Variants in CHRM3 observed in about 807,000 individuals in gnomAD.
The protein encoded by CHRM3 is cholinergic receptor muscarinic 3.
A neutral mutation model predicts 41.8 loss-of-function variants in CHRM3; 11 were observed. That is an observed-to-expected ratio of 0.26 (90% CI 0.17 to 0.44). The LOEUF (loss-of-function observed/expected upper bound fraction) is 0.44, where lower values mean the gene tolerates loss of function less well. Among genes scored for constraint, CHRM3 ranks in the 20% least tolerant of loss-of-function variants. The pLI is 1.00. For synonymous variants in CHRM3, 297 were observed against 301.4 expected (o/e 0.99, Z 0.15); for missense variants, 571 against 745.4 (o/e 0.77, Z 2.72).
intron 5 of CHRM3, among the ~76,000 whole-genome samples, chr1:239,781,045 G>A (rs909441036): frequency 6.6e-6 from 1 of 152,104 alleles, no homozygotes; most frequent in African/African-American, 2.4e-5. Flanking sequence ...ATGGTATCAG[G>A]CCTCTGACTT....
intron 6 of CHRM3, among the ~76,000 whole-genome samples, chr1:239,888,511 T>G (rs1258106976): frequency 6.6e-6 from 1 of 151,000 alleles, no homozygotes; most frequent in Non-Finnish European, 1.5e-5. Flanking sequence ...GAGGATTGCT[T>G]GGGCCCAGCC....
chr1:239,457,429 C>CT (rs1665035087), intron 1 of CHRM3, among the ~76,000 whole-genome samples: 1 of 152,110 alleles, frequency 6.6e-6, no homozygotes, highest in South Asian at 2.1e-4. Flanking sequence ...TACGTGTCTT[C>CT]TATTTGTGTT....
intron 5 of CHRM3, among the ~76,000 whole-genome samples, chr1:239,770,460 G>T (rs16838919): frequency 0.016 from 2,416 of 152,252 alleles, 37 homozygotes; most frequent in South Asian, 0.064. Context: ...ATATAGACAG[G>T]AAATATATGC....
chr1:239,909,188 C>T lies in CHRM3; in HGVS notation c.1737C>T (p.Val579=). ...AGCAGTACCAGCAGAGACAGTCGGT[C>T]ATTTTTCACAAGCGCGCACCCGAGC... ...RKQQYQQRQS[V]IFHKRAPEQA... The change falls in exon 7 of 7, where the codon GTC becomes GTT. Residue 579 remains valine, a synonymous_variant. Coordinates refer to ENST00000676153, the MANE Select transcript of CHRM3 (RefSeq NM_001375978.1). 6.2e-7 allele frequency: 1 copy of T among 1,612,916 alleles called. No homozygotes were observed. The highest frequency in any genetic ancestry group is 8.5e-7 in the Non-Finnish European group (1 of 1,179,678).
Position 239,642,109 on chromosome 1 carries a change from C to T in CHRM3, c.-250+9823C>T, listed in dbSNP as rs1280644413. Among the ~76,000 whole-genome samples, 6 of 108,716 alleles carry T rather than the reference C, an allele frequency of 5.5e-5. 2 individuals are homozygous for T. Among genetic ancestry groups the T allele is most frequent in the Non-Finnish European group, 1.2e-4 (6 of 51,742 alleles). 71.3% of individuals were successfully genotyped at this position (108,716 alleles called of 152,430 possible). ...AATATTGGCCCCCACTCTCTTCTGG[C>T]TTGTAGAGTTTCTGCCGAGAGACCC... On this transcript the variant is annotated intron_variant, in intron 4 of 6. Transcript: ENST00000676153.
At chr1:239,609,568 A>T (rs1572908363) in intron 3 of CHRM3, among the ~76,000 whole-genome samples, 2 of 152,332 alleles carry the variant, frequency 1.3e-5, no homozygotes, top group Non-Finnish European at 2.9e-5. Flanking sequence ...GGAAACTGCC[A>T]AACTCTTTTT....
chr1:239,455,803 A>G (rs1664889173), intron 1 of CHRM3, among the ~76,000 whole-genome samples: 1 of 152,186 alleles, frequency 6.6e-6, no homozygotes, highest in Admixed American at 6.5e-5. Flanking sequence ...TTTTAAATAA[A>G]TGTAGTGTAG....
At chr1:239,542,531 C>G (rs1012514037) in intron 2 of CHRM3, among the ~76,000 whole-genome samples, 1 of 152,120 alleles carries the variant, frequency 6.6e-6, no homozygotes, top group African/African-American at 2.4e-5. Context: ...ATGCGACAGG[C>G]AGTATTCTAG....
chr1:239,480,849 C>T (rs541803505), intron 1 of CHRM3, among the ~76,000 whole-genome samples: 6 of 152,198 alleles, frequency 3.9e-5, no homozygotes, highest in South Asian at 2.1e-4. Context: ...TGAGCCACTG[C>T]GCCTGGCCAA....
At chr1:239,897,312 GA>G (rs947635106) in intron 6 of CHRM3, among the ~76,000 whole-genome samples, 10 of 150,218 alleles carry the variant, frequency 6.7e-5, no homozygotes, top group South Asian at 4.2e-4. Context: ...TATGGACCTG[GA>G]AAAAAAAAGC....
intron 4 of CHRM3, among the ~76,000 whole-genome samples, chr1:239,650,607 A>G (rs1306029207): frequency 6.6e-6 from 1 of 152,210 alleles, no homozygotes; most frequent in Admixed American, 6.5e-5. Context: ...AAGGAAGCCA[A>G]TTAAAGCCCA....
intron 2 of CHRM3, among the ~76,000 whole-genome samples, chr1:239,501,938 G>A (rs1394453074): frequency 6.6e-6 from 1 of 152,060 alleles, no homozygotes; most frequent in Non-Finnish European, 1.5e-5. Flanking sequence ...GTGCTAAGAG[G>A]AAAGTTCACA....
chr1:239,451,676 A>G (rs1664564899), intron 1 of CHRM3, among the ~76,000 whole-genome samples: 1 of 152,230 alleles, frequency 6.6e-6, no homozygotes, highest in African/African-American at 2.4e-5. Flanking sequence ...TATTTTAAAT[A>G]TATTTAACTT....
At chr1:239,635,524 G>T (rs1004558673) in intron 4 of CHRM3, among the ~76,000 whole-genome samples, 37 of 152,098 alleles carry the variant, frequency 2.4e-4, no homozygotes, top group Admixed American at 4.6e-4. Flanking sequence ...AATCTCAACT[G>T]CCAAGACCTC....
chr1:239,907,581 C>G lies in CHRM3; in HGVS notation c.130C>G (p.Arg44Gly), dbSNP rs200291664. 3.1e-6 allele frequency: 5 copies of G among 1,614,070 alleles called. No individual in the cohort carries two copies. The highest frequency in any genetic ancestry group is 4.2e-6 in the Non-Finnish European group (5 of 1,180,054). Residue 44 changes from arginine to glycine, a missense_variant, in exon 7 of 7, where the codon CGA (arginine) becomes GGA (glycine). Physicochemically the swap from Arg to Gly is moderately radical, Grantham distance 125. Transcript: ENST00000676153. This position sits in a 1 kb window ranked among gnomAD's most constrained non-coding sequence, Gnocchi z 5.4. ...TCATTTCGGCAGCTACAATGTTTCT[C>G]GAGCAGCTGGCAATTTCTCCTCTCC... ...VTHFGSYNVS[R>G]AAGNFSSPDG...
chr1:239,503,231 T>G (rs909618877), intron 2 of CHRM3, among the ~76,000 whole-genome samples: 1 of 152,154 alleles, frequency 6.6e-6, no homozygotes, highest in Non-Finnish European at 1.5e-5. Flanking sequence ...ACAAGATTAA[T>G]GTACACAAAT....
rs191908663 is a variant in CHRM3, at chr1:239,549,590, G to A, written c.-313+3841G>A. Among the ~76,000 whole-genome samples the A allele has an allele frequency of 1.6e-3, 240 of 151,236 alleles. 1 individual carries two copies. Among genetic ancestry groups the A allele is most frequent in the Non-Finnish European group, 2.9e-3 (194 of 67,840 alleles). ...GCATGAGAATCACTGGAGCCTGTGG[G>A]GTGGAGGTTGCAGCAAGTTGAGATC... On this transcript the variant is annotated intron_variant, in intron 3 of 6. Coordinates refer to ENST00000676153, the MANE Select transcript of CHRM3 (RefSeq NM_001375978.1).
chr1:239,637,791 G>A (rs1272053378), intron 4 of CHRM3, among the ~76,000 whole-genome samples: 5 of 143,998 alleles, frequency 3.5e-5, no homozygotes, highest in African/African-American at 1.3e-4. Flanking sequence ...TATACTTTAA[G>A]TTTTAGGGTA....
intron 2 of CHRM3, among the ~76,000 whole-genome samples, chr1:239,494,993 G>A (rs1335141644): frequency 3.3e-5 from 5 of 152,048 alleles, no homozygotes; most frequent in African/African-American, 1.2e-4. Flanking sequence ...GTTCCTTTGG[G>A]TCTTCCTTTC....
Sources: allele counts gnomAD v4.1 joint callset (sites outside exome capture counted in the v4.1 genomes callset), GRCh38; gene constraint gnomAD v4.1.1; non-coding constraint Gnocchi (gnomAD v3.1); transcripts MANE v1.5; gene names NCBI Gene and HGNC (gene_info 2026-07-23, HGNC 2026-07-21).